The following TMEM232 variants were observed in gnomAD, a reference collection of about 807,000 sequenced individuals.
TMEM232 encodes the protein transmembrane protein 232.
A neutral mutation model predicts 78.8 loss-of-function variants in TMEM232; 80 were observed. The observed-to-expected ratio is 1.01, with a 90% confidence interval of 0.85 to 1.22. The LOEUF (loss-of-function observed/expected upper bound fraction) is 1.22, where lower values mean the gene tolerates loss of function less well. Among genes scored for constraint, TMEM232 ranks in the 50% most tolerant of loss-of-function variants. The pLI, the probability that TMEM232 is intolerant of heterozygous loss-of-function variation, is 0.00. For missense variants in TMEM232, 881 were observed against 742.2 expected (o/e 1.19, Z -2.17); for synonymous variants, 297 against 254.3 (o/e 1.17, Z -1.60).
chr5:110,450,158 T>A (rs1013911366), intron 12 of TMEM232, among the ~76,000 whole-genome samples: 2 of 152,192 alleles, frequency 1.3e-5, no homozygotes, highest in African/African-American at 4.8e-5. Flanking sequence ...ATCATAAGTT[T>A]CCTGAGGCCT....
intron 2 of TMEM232, among the ~76,000 whole-genome samples, chr5:110,399,287 A>C (rs1044248587): frequency 2.9e-4 from 44 of 152,252 alleles, no homozygotes; most frequent in African/African-American, 9.9e-4. Context: ...GTTGAGCTGG[A>C]TTCTTGTAAC....
At chr5:110,701,010 T>A (rs1795382909) in intron 1 of TMEM232, among the ~76,000 whole-genome samples, 1 of 151,920 alleles carries the variant, frequency 6.6e-6, no homozygotes, top group Non-Finnish European at 1.5e-5. Context: ...GAAATTTAGA[T>A]GAATACCATT....
chr5:110,606,232 C>G lies in TMEM232; in HGVS notation c.958G>C (p.Ala320Pro). 6.5e-7 allele frequency: 1 copy of G among 1,543,682 alleles called. No homozygotes were observed. Among genetic ancestry groups the G allele is most frequent in the South Asian group, 1.2e-5 (1 of 83,100 alleles). The change falls in exon 9 of 14, where the codon GCC becomes CCC. Residue 320 changes from alanine (A) to proline (P), a missense_variant. Transcript: ENST00000455884. Reference protein sequence around the residue: ...VLGEAAKLNMACLKALMDVVR... With the variant: ...VLGEAAKLNMPCLKALMDVVR... ...ACGTCCATTAAAGCTTTCAAGCAGG[C>G]CATGTTTAATTTGGCAGCCTCCCCA...
At position 110,559,918 on chromosome 5, in the gene TMEM232, T is replaced by C. The variant is rs80116714; in HGVS notation, c.1455+8529A>G. ...GCTTGTAAATGAATCACTCCAGTCT[T>C]TACCTCTGTCTCCACATGGCTCTAT... On this transcript the variant is annotated intron_variant, in intron 11 of 13. Coordinates refer to ENST00000455884, the MANE Select transcript of TMEM232 (RefSeq NM_001039763.4). 2.9e-3 allele frequency among the ~76,000 whole-genome samples: 434 copies of C among 152,232 alleles called. 14 individuals carry two copies. In the East Asian group the frequency reaches 0.076, roughly 27 times the overall value.
rs149657181 is a variant in TMEM232 at position 110,475,508 on chromosome 5, G to C, written c.1704-50592C>G. ...CTCAATATATTGGACATCAAACAGT[G>C]AAGGATAAAAATCTCCAAAAATGGC... is the stretch of plus-strand genomic sequence containing the variant. On this transcript the variant is annotated intron_variant, in intron 12 of 13. Transcript: ENST00000455884. Among the ~76,000 whole-genome samples, 907 of 131,936 alleles carry C rather than the reference G, an allele frequency of 6.9e-3. 16 individuals carry two copies. Among genetic ancestry groups the C allele is most frequent in the African/African-American group, 0.024 (840 of 35,268 alleles). The allele number at this position is 131,936 out of a possible 152,430, so 86.6% of individuals were successfully genotyped here.
At chr5:110,563,620 C>G (rs551803438) in intron 11 of TMEM232, among the ~76,000 whole-genome samples, 1 of 151,702 alleles carries the variant, frequency 6.6e-6, no homozygotes, top group South Asian at 2.1e-4. Flanking sequence ...TTTTTAAGGT[C>G]CAACAAACAG....
At position 110,635,783 on chromosome 5, in the gene TMEM232, G is replaced by A. The variant is rs377136791; in HGVS notation, c.501+2415C>T. On this transcript the variant is annotated intron_variant, in intron 5 of 13. Coordinates refer to ENST00000455884, the MANE Select transcript of TMEM232 (RefSeq NM_001039763.4). ...ATACACATGATGGCGAGGATACAGA[G>A]AAAAGAGAATGCATATGCTATTGGT... Among the ~76,000 whole-genome samples, 46 of 152,024 alleles carry A rather than the reference G, an allele frequency of 3.0e-4. No individual in the cohort carries two copies. In the South Asian group the frequency reaches 9.1e-3, roughly 30 times the overall value.
chr5:110,428,914 C>G (rs1757534545), intron 12 of TMEM232, among the ~76,000 whole-genome samples: 1 of 151,698 alleles, frequency 6.6e-6, no homozygotes, highest in Non-Finnish European at 1.5e-5. Flanking sequence ...GATGACAAAA[C>G]AGGAACAAAG....
chr5:110,610,891 G>A (rs926862511), intron 8 of TMEM232, among the ~76,000 whole-genome samples: 2 of 152,090 alleles, frequency 1.3e-5, no homozygotes, highest in African/African-American at 4.8e-5. Context: ...GCCAAGGTTC[G>A]TATATAATCT....
At chr5:110,555,728 T>G (rs1037737527) in intron 11 of TMEM232, among the ~76,000 whole-genome samples, 1 of 152,192 alleles carries the variant, frequency 6.6e-6, no homozygotes, top group Non-Finnish European at 1.5e-5. Context: ...TCTTGTTGAA[T>G]TGATCCCTTT....
chr5:110,707,726 G>A (rs1210673725), intron 1 of TMEM232, among the ~76,000 whole-genome samples: 1 of 152,198 alleles, frequency 6.6e-6, no homozygotes, highest in Non-Finnish European at 1.5e-5. Flanking sequence ...ACCCCAGGCA[G>A]TGCAGCTTGC....
At position 110,420,627 on chromosome 5, in the gene TMEM232, T is replaced by G. The variant is rs1261391869; in HGVS notation, c.1927A>C (p.Lys643Gln). The change falls in exon 14 of 14, where the codon AAG (lysine) becomes CAG (glutamine). Residue 643 changes from lysine to glutamine, a missense_variant. Transcript: ENST00000455884. Reference sequence around the variant, plus strand: ...GGAAGTTCATAGGGCTTGGTTTGCTTATGTAGTTTCTCTTCTCTTTTCTTC... The same window carrying G: ...GGAAGTTCATAGGGCTTGGTTTGCTGATGTAGTTTCTCTTCTCTTTTCTTC... ...VMKKREEKLH[K>Q]QTKPYELPYR... 6.6e-7 allele frequency: 1 copy of G among 1,518,798 alleles called. No individual in the cohort carries two copies. 94.1% of individuals were successfully genotyped at this position (1,518,798 alleles called of 1,614,324 possible). A position where few individuals can be genotyped will look rare whatever the true frequency, so the allele number is the denominator to read the frequency against.
chr5:110,427,227 C>T (rs878886426), intron 12 of TMEM232, among the ~76,000 whole-genome samples: 3 of 151,876 alleles, frequency 2.0e-5, no homozygotes, highest in Admixed American at 2.0e-4. Context: ...GTTATTTAAT[C>T]CCTCTGTTCT....
chr5:110,669,749 T>G (rs564491857), intron 1 of TMEM232, among the ~76,000 whole-genome samples: 30 of 151,882 alleles, frequency 2.0e-4, no homozygotes, highest in Non-Finnish European at 3.7e-4. Context: ...ACTGGCAAAC[T>G]GAATCCAGCA....
chr5:110,463,851 G>A (rs1347048138), intron 12 of TMEM232, among the ~76,000 whole-genome samples: 2 of 152,058 alleles, frequency 1.3e-5, no homozygotes, highest in African/African-American at 4.8e-5. Context: ...TGATTTCCCT[G>A]TATTTCATCT....
chr5:110,602,354 C>A (rs897174256), intron 10 of TMEM232, among the ~76,000 whole-genome samples: 14 of 151,996 alleles, frequency 9.2e-5, no homozygotes, highest in Non-Finnish European at 2.9e-5. Flanking sequence ...TCAGAGTGAA[C>A]AGGCAACCTA....
At chr5:110,577,324 A>C (rs568322949) in intron 10 of TMEM232, among the ~76,000 whole-genome samples, 3 of 152,302 alleles carry the variant, frequency 2.0e-5, no homozygotes, top group African/African-American at 7.2e-5. Context: ...CCACAATGAG[A>C]TACCATCTTA....
chr5:110,573,701 GA>G lies in TMEM232; in HGVS notation c.1277-5077del, dbSNP rs762063650. ...TAGAAGAAGAAAACTACTGTAGACAGAATGAGAGCAAAACTTCCATGAGGAG... is the reference window on the plus strand; with the variant it reads ...TAGAAGAAGAAAACTACTGTAGACAGATGAGAGCAAAACTTCCATGAGGAG... On this transcript the variant is annotated intron_variant, in intron 10 of 13. Coordinates refer to ENST00000455884, the MANE Select transcript of TMEM232 (RefSeq NM_001039763.4). Among the ~76,000 whole-genome samples, 154 of 152,182 alleles carry G rather than the reference GA, an allele frequency of 1.0e-3. 1 individual carries two copies. The highest frequency in any genetic ancestry group is 1.3e-3 in the Non-Finnish European group (85 of 67,976).
chr5:110,580,585 G>C (rs536267944), intron 10 of TMEM232, among the ~76,000 whole-genome samples: 1 of 151,540 alleles, frequency 6.6e-6, no homozygotes, highest in African/African-American at 2.4e-5. Flanking sequence ...ACTAAAGGGA[G>C]AAATACAGCA....
Sources: allele counts gnomAD v4.1 joint callset (sites outside exome capture counted in the v4.1 genomes callset), GRCh38; gene constraint gnomAD v4.1.1; transcripts MANE v1.5; gene names NCBI Gene and HGNC (gene_info 2026-07-23, HGNC 2026-07-21).